MAGI3: variants seen among roughly 807,000 people sequenced by gnomAD.
MAGI3 encodes the protein membrane-associated guanylate kinase, WW and PDZ domain-containing protein 3.
Under a neutral mutation model 121.8 loss-of-function variants are expected in MAGI3, and 43 were observed. The ratio of observed to expected loss-of-function variants is 0.35; its 90% CI spans 0.28 to 0.46. MAGI3 has a LOEUF of 0.46. MAGI3 is among the 20% of genes least tolerant of loss of function. MAGI3 has a pLI of 1.00. For missense variants in MAGI3, 1,547 were observed against 1,797.3 expected, an observed-to-expected ratio of 0.86 and a Z score of 2.52; for synonymous variants, 553 against 639.3, an observed-to-expected ratio of 0.86 and a Z score of 2.04.
chr1:113,493,464 A>C (rs925616990), intron 1 of MAGI3, among the ~76,000 whole-genome samples: 14 of 152,212 alleles, frequency 9.2e-5, no homozygotes, highest in Admixed American at 8.5e-4. Flanking sequence ...TGGGCATAGG[A>C]GTGGGCAAAT....
chr1:113,531,280 C>T (rs1261926624), intron 1 of MAGI3, among the ~76,000 whole-genome samples: 1 of 152,112 alleles, frequency 6.6e-6, no homozygotes, highest in African/African-American at 2.4e-5. Flanking sequence ...ATTTAGAACA[C>T]AAATTCTTTT....
intron 1 of MAGI3, among the ~76,000 whole-genome samples, chr1:113,463,257 A>G (rs895895457): frequency 6.6e-6 from 1 of 151,670 alleles, no homozygotes; most frequent in African/African-American, 2.4e-5. Context: ...TCAGTCTGAG[A>G]GTCATCAACC....
rs373414681 is a variant in MAGI3 at position 113,412,917 on chromosome 1, G to A, written c.316+21568G>A. On this transcript the variant is annotated intron_variant, in intron 1 of 20. Coordinates refer to ENST00000307546, the MANE Select transcript of MAGI3 (RefSeq NM_001142782.2). ...TTTGTCAATTTTGGCTTTTGTTGCC[G>A]TTGCTTTTGGTGTTTTAGTCATGAA... 7.9e-5 allele frequency among the ~76,000 whole-genome samples: 12 copies of A among 152,030 alleles called. No homozygotes were observed. In the East Asian group the frequency reaches 1.4e-3, roughly 17 times the overall value.
At chr1:113,590,729 T>G (rs1648649562) in intron 5 of MAGI3, 71 bp downstream of exon 5, 4 of 1,421,616 alleles carry the variant, frequency 2.8e-6, no homozygotes, top group Non-Finnish European at 3.8e-6. Flanking sequence ...TTTTTAAACC[T>G]CATTTTAGAC....
rs1570902474 is a variant in MAGI3 at position 113,391,282 on chromosome 1, C to G, written c.249C>G (p.Thr83=). 1 of 1,592,362 alleles carries G rather than the reference C, an allele frequency of 6.3e-7. No homozygotes were observed. Among genetic ancestry groups the G allele is most frequent in the Admixed American group, 1.7e-5 (1 of 57,422 alleles). ...ACGGGACGCCTGTCAGCGGGCTCAC[C>G]AACCGGGACACCCTGGCTGTCATCC... ...EVNGTPVSGL[T]NRDTLAVIRH... Residue 83 remains threonine (T), a synonymous_variant, in exon 1 of 21, where the codon ACC becomes ACG. Transcript: ENST00000307546. This position sits in a 1 kb window ranked among gnomAD's most constrained non-coding sequence, Gnocchi z 4.4.
intron 7 of MAGI3, among the ~76,000 whole-genome samples, chr1:113,618,929 A>G (rs1650653019): frequency 6.6e-6 from 1 of 152,362 alleles, no homozygotes; most frequent in Admixed American, 6.5e-5. Flanking sequence ...CATCTTTTTT[A>G]CAGCATTTCC....
chr1:113,415,211 A>G (rs1209670235), intron 1 of MAGI3, among the ~76,000 whole-genome samples: 1 of 152,102 alleles, frequency 6.6e-6, no homozygotes, highest in East Asian at 1.9e-4. Context: ...GTAAGCAATT[A>G]TAGTTCAAGC....
intron 9 of MAGI3, among the ~76,000 whole-genome samples, chr1:113,629,757 T>TCTCTCTCTCTCCCTCTCC (rs1553209675): frequency 6.3e-5 from 6 of 95,760 alleles, no homozygotes; most frequent in Admixed American, 1.3e-4. Context: ...TCTCTCTCTC[T>TCTCTCTCTCTCCCTCTCC]CTCTCCCTCC....
chr1:113,652,781 A>G (rs1462193517), intron 14 of MAGI3, among the ~76,000 whole-genome samples: 1 of 152,244 alleles, frequency 6.6e-6, no homozygotes, highest in Non-Finnish European at 1.5e-5. Flanking sequence ...TTTGTACCAA[A>G]TTATGGCAAA....
At chr1:113,635,235 C>T (rs1423784935) in intron 9 of MAGI3, among the ~76,000 whole-genome samples, 5 of 152,156 alleles carry the variant, frequency 3.3e-5, no homozygotes, top group East Asian at 3.8e-4. Flanking sequence ...TCCTGCCTAA[C>T]TGCCCTGGCC....
At chr1:113,433,655 G>A (rs959035050) in intron 1 of MAGI3, among the ~76,000 whole-genome samples, 2 of 152,096 alleles carry the variant, frequency 1.3e-5, no homozygotes, top group Non-Finnish European at 2.9e-5. Context: ...AATTTAAAAA[G>A]TAATAATAAT....
intron 1 of MAGI3, among the ~76,000 whole-genome samples, chr1:113,483,806 A>G (rs1371746830): frequency 6.6e-6 from 1 of 152,290 alleles, no homozygotes; most frequent in East Asian, 1.9e-4. Context: ...AGTTGCAAGA[A>G]TAGAACAATA....
intron 1 of MAGI3, among the ~76,000 whole-genome samples, chr1:113,511,047 T>A (rs1229352005): frequency 1.3e-5 from 2 of 152,232 alleles, no homozygotes; most frequent in Non-Finnish European, 2.9e-5. Flanking sequence ...TGTAAATCCC[T>A]TATCCTGTGC....
chr1:113,552,305 A>C (rs1413791725), intron 2 of MAGI3, among the ~76,000 whole-genome samples: 1 of 152,168 alleles, frequency 6.6e-6, no homozygotes, highest in Non-Finnish European at 1.5e-5. Context: ...TGTGGCCTTT[A>C]TACTTTGATG....
In MAGI3 at chr1:113,682,929, A is replaced by T; in HGVS notation, c.3361A>T (p.Asn1121Tyr). 1 of 1,595,680 alleles carries T rather than the reference A, an allele frequency of 6.3e-7. No homozygotes were observed. Among genetic ancestry groups the T allele is most frequent in the East Asian group, 2.2e-5 (1 of 44,778 alleles). The change falls in exon 21 of 21, where the codon AAT becomes TAT. Residue 1121 changes from asparagine (N) to tyrosine (Y), a missense_variant. By Grantham distance (143) the Asn-to-Tyr change is moderately radical. Transcript: ENST00000307546. The part of the protein sequence containing the change: ...DWDINNPSSS[N>Y]VIYDEQSPLP... The stretch of plus-strand genomic sequence containing the variant: ...GGATATTAATAATCCTTCGTCTTCA[A>T]ATGTGATTTATGATGAACAGTCACC...
intron 9 of MAGI3, among the ~76,000 whole-genome samples, chr1:113,629,763 C>CTCTCCCT (rs143631602): frequency 0.098 from 4,324 of 44,342 alleles, 139 homozygotes; most frequent in East Asian, 0.15. Context: ...TCTCTCTCTC[C>CTCTCCCT]CTCCCTCCCT....
chr1:113,677,309 C>A (rs78063071), intron 19 of MAGI3, among the ~76,000 whole-genome samples: 3,266 of 152,280 alleles, frequency 0.021, 114 homozygotes, highest in African/African-American at 0.074. Context: ...ACACAACATG[C>A]GTTTTTACTT....
chr1:113,443,999 T>C (rs1200771755), intron 1 of MAGI3, among the ~76,000 whole-genome samples: 1 of 152,228 alleles, frequency 6.6e-6, no homozygotes, highest in African/African-American at 2.4e-5. Flanking sequence ...ACAACTGCAC[T>C]GGCAGAATCT....
At chr1:113,396,020 A>G (rs1015035760) in intron 1 of MAGI3, among the ~76,000 whole-genome samples, 1 of 152,090 alleles carries the variant, frequency 6.6e-6, no homozygotes, top group African/African-American at 2.4e-5. Context: ...TTGTTTTGAG[A>G]GACAAATTTT....
Sources: gnomAD v4.1 joint callset for allele counts (sites outside exome capture counted in the v4.1 genomes callset) on GRCh38, gnomAD v4.1.1 for gene constraint, Gnocchi (gnomAD v3.1) non-coding constraint, MANE v1.5 for transcripts, NCBI Gene and HGNC (gene_info 2026-07-23, HGNC 2026-07-21) for gene names.